Variants in LRRTM4 observed in about 807,000 individuals in gnomAD.
LRRTM4 encodes leucine-rich repeat transmembrane neuronal protein 4.
Under a neutral mutation model 47.6 loss-of-function variants are expected in LRRTM4, and 25 were observed. That is an observed-to-expected ratio of 0.53 (90% CI 0.38 to 0.73). LRRTM4 has a LOEUF of 0.73. Among genes scored for constraint, LRRTM4 ranks in the 30% least tolerant of loss-of-function variants. The pLI, the probability that LRRTM4 is intolerant of heterozygous loss-of-function variation, is 0.00. For synonymous variants in LRRTM4, 311 were observed against 269.5 expected (o/e 1.15, Z -1.51); for missense variants, 638 against 713.4 (o/e 0.89, Z 1.20).
intron 3 of LRRTM4, among the ~76,000 whole-genome samples, chr2:76,770,804 T>C (rs1330820849): frequency 6.6e-6 from 1 of 152,198 alleles, no homozygotes; most frequent in Non-Finnish European, 1.5e-5. Context: ...AAAATATGTC[T>C]CCATTTTCAT....
Position 77,154,621 on chromosome 2 carries a change from A to G in LRRTM4, c.1551+363697T>C, listed in dbSNP as rs371913193. On this transcript the variant is annotated intron_variant, in intron 3 of 3. Coordinates refer to ENST00000409884, the MANE Select transcript of LRRTM4 (RefSeq NM_001134745.3). ...TAATCTAATAATCTAGATTCTCAGA[A>G]TTTACGCTGAGATGATAGGTACATT... 6.6e-5 allele frequency among the ~76,000 whole-genome samples: 10 copies of G among 152,266 alleles called. No homozygotes were observed. The East Asian group carries it at 9.6e-4, about 15-fold the overall frequency.
At chr2:77,262,105 C>T (rs1675933121) in intron 3 of LRRTM4, among the ~76,000 whole-genome samples, 2 of 152,048 alleles carry the variant, frequency 1.3e-5, no homozygotes, top group Admixed American at 1.3e-4. Context: ...AGACCTAATG[C>T]CTCATAATCT....
chr2:77,018,011 C>T (rs941896636), intron 3 of LRRTM4, among the ~76,000 whole-genome samples: 2 of 151,660 alleles, frequency 1.3e-5, no homozygotes, highest in Non-Finnish European at 2.9e-5. Flanking sequence ...AATTTCTTAT[C>T]CATCTATGCG....
intron 3 of LRRTM4, among the ~76,000 whole-genome samples, chr2:76,893,098 G>C (rs1255647883): frequency 1.3e-5 from 2 of 148,598 alleles, no homozygotes; most frequent in Non-Finnish European, 3.0e-5. Context: ...AAGGAAACCT[G>C]ACCACGTAAT....
intron 3 of LRRTM4, among the ~76,000 whole-genome samples, chr2:77,381,375 G>A (rs942564850): frequency 2.0e-5 from 3 of 151,970 alleles, no homozygotes; most frequent in Non-Finnish European, 4.4e-5. Flanking sequence ...TTGTATAGAT[G>A]ATATCATTAA....
At chr2:76,859,693 T>C (rs986040391) in intron 3 of LRRTM4, among the ~76,000 whole-genome samples, 6 of 152,262 alleles carry the variant, frequency 3.9e-5, no homozygotes, top group South Asian at 2.1e-4. Context: ...AAACCAATGA[T>C]AATTCTAAAT....
chr2:76,959,530 GAA>G (rs1034628918), intron 3 of LRRTM4, among the ~76,000 whole-genome samples: 14 of 151,614 alleles, frequency 9.2e-5, no homozygotes, highest in Admixed American at 3.3e-4. Context: ...ATTCCTGTAA[GAA>G]AGCTAGGACA....
chr2:76,924,224 AAT>A (rs1205017758), intron 3 of LRRTM4, among the ~76,000 whole-genome samples: 4 of 152,214 alleles, frequency 2.6e-5, no homozygotes, highest in African/African-American at 9.6e-5. Context: ...TAAAGCAAAA[AAT>A]ATATATAATA....
At chr2:77,426,915 A>G (rs1226263502) in intron 3 of LRRTM4, among the ~76,000 whole-genome samples, 7 of 151,840 alleles carry the variant, frequency 4.6e-5, no homozygotes, top group Admixed American at 2.6e-4. Flanking sequence ...ATATTTTCTT[A>G]TAAGGCTATG....
At chr2:76,909,686 A>G (rs947460337) in intron 3 of LRRTM4, among the ~76,000 whole-genome samples, 4 of 152,226 alleles carry the variant, frequency 2.6e-5, no homozygotes, top group Non-Finnish European at 2.9e-5. Context: ...TGGGCGAAGG[A>G]CATGAACAGA....
chr2:76,949,267 TATCA>T (rs1188839363), intron 3 of LRRTM4, among the ~76,000 whole-genome samples: 40 of 152,014 alleles, frequency 2.6e-4, no homozygotes, highest in African/African-American at 8.9e-4. Flanking sequence ...AATGAATAGT[TATCA>T]AGTTTCTGGC....
At chr2:76,968,381 T>TATATATATAC (rs1553437943) in intron 3 of LRRTM4, among the ~76,000 whole-genome samples, 14 of 116,190 alleles carry the variant, frequency 1.2e-4, no homozygotes, top group African/African-American at 3.3e-4. Flanking sequence ...TATATATATA[T>TATATATATAC]ATACACATAC....
intron 3 of LRRTM4, among the ~76,000 whole-genome samples, chr2:77,232,377 T>C (rs760058579): frequency 1.5e-4 from 23 of 152,226 alleles, no homozygotes; most frequent in Admixed American, 3.3e-4. Flanking sequence ...ACTTAACATG[T>C]ATCTTTCCAT....
At chr2:76,837,001 T>G (rs958478856) in intron 3 of LRRTM4, among the ~76,000 whole-genome samples, 1 of 152,170 alleles carries the variant, frequency 6.6e-6, no homozygotes, top group Non-Finnish European at 1.5e-5. Context: ...AAATATTAAG[T>G]TGGAATCATT....
At chr2:76,793,495 GATTA>G (rs1052675920) in intron 3 of LRRTM4, among the ~76,000 whole-genome samples, 9 of 152,100 alleles carry the variant, frequency 5.9e-5, no homozygotes, top group African/African-American at 1.9e-4. Context: ...GTAGGATTTT[GATTA>G]ATTATTTGTG....
At chr2:77,187,859 T>C (rs1194723278) in intron 3 of LRRTM4, among the ~76,000 whole-genome samples, 1 of 152,080 alleles carries the variant, frequency 6.6e-6, no homozygotes, top group Non-Finnish European at 1.5e-5. Flanking sequence ...AATCATTTTA[T>C]TTTTTCTTAT....
intron 3 of LRRTM4, among the ~76,000 whole-genome samples, chr2:76,823,489 G>T (rs140772161): frequency 6.6e-6 from 1 of 151,396 alleles, no homozygotes; most frequent in East Asian, 1.9e-4. Flanking sequence ...TATTAATGCA[G>T]TAAGGATAAG....
chr2:77,293,496 C>A (rs771564862), intron 3 of LRRTM4, among the ~76,000 whole-genome samples: 42 of 152,082 alleles, frequency 2.8e-4, no homozygotes, highest in Non-Finnish European at 4.9e-4. Context: ...CTTTTTAAGA[C>A]AAAAATATCC....
At chr2:76,968,340 GTA>G (rs61103340) in intron 3 of LRRTM4, among the ~76,000 whole-genome samples, 10,205 of 75,952 alleles carry the variant, frequency 0.13, 492 homozygotes, top group Non-Finnish European at 0.17. Flanking sequence ...GTGTATGTGT[GTA>G]TATATATATA....
Sources: gnomAD v4.1 joint callset for allele counts (sites outside exome capture counted in the v4.1 genomes callset) on GRCh38, gnomAD v4.1.1 for gene constraint, MANE v1.5 for transcripts, NCBI Gene and HGNC (gene_info 2026-07-23, HGNC 2026-07-21) for gene names.